Variants in RIPOR3 observed in about 807,000 individuals in gnomAD.
RIPOR3 encodes family with sequence similarity 65 member C.
Under a neutral mutation model 114.3 loss-of-function variants are expected in RIPOR3, and 95 were observed. The ratio of observed to expected loss-of-function variants is 0.83; its 90% CI spans 0.70 to 0.99. The LOEUF is 0.99. Among genes scored for constraint, RIPOR3 ranks in the 50% least tolerant of loss-of-function variants. RIPOR3 has a pLI of 0.00. For missense variants in RIPOR3, 1,252 were observed against 1,266.9 expected (o/e 0.99, Z 0.18); for synonymous variants, 575 against 543.8 (o/e 1.06, Z -0.80).
intron 1 of RIPOR3, among the ~76,000 whole-genome samples, chr20:50,638,210 CAAT>C (rs374143804): frequency 1.1e-4 from 17 of 152,326 alleles, no homozygotes; most frequent in Admixed American, 3.3e-4. Flanking sequence ...GATAGACACA[CAAT>C]GAGTGCCCTG....
At chr20:50,597,781 G>A (rs532757648) in intron 13 of RIPOR3, 71 bp from the exon 14 acceptor site, 2 of 1,557,410 alleles carry the variant, frequency 1.3e-6, no homozygotes, top group East Asian at 2.4e-5. Flanking sequence ...CTGGCCAGGG[G>A]CCTCACGGCA....
intron 1 of RIPOR3, among the ~76,000 whole-genome samples, chr20:50,673,987 A>G (rs1425751548): frequency 6.6e-6 from 1 of 152,242 alleles, no homozygotes; most frequent in Non-Finnish European, 1.5e-5. Flanking sequence ...AAGCTCTGCC[A>G]TGCACAGGAG....
Position 50,589,769 on chromosome 20 carries a change from C to G in RIPOR3, c.2578G>C (p.Ala860Pro). ...AGGGCGTTGGTGTAGAACAGCAAAGCCTGGGGAGAGTAAGGAGGCTGTGAA... is the reference window on the plus strand; with the variant it reads ...AGGGCGTTGGTGTAGAACAGCAAAGGCTGGGGAGAGTAAGGAGGCTGTGAA... ...AVRNRSFREK[A>P]LLFYTNALAE... The change falls in exon 20 of 22, where the codon GCT becomes CCT. Residue 860 changes from alanine to proline, a missense_variant and splice_region_variant. Coordinates refer to ENST00000327979, the MANE Select transcript of RIPOR3 (RefSeq NM_001290268.2). 1.2e-6 allele frequency: 2 copies of G among 1,612,736 alleles called. No homozygotes were observed. The highest frequency in any genetic ancestry group is 1.7e-6 in the Non-Finnish European group (2 of 1,179,368).
At chr20:50,681,243 GA>G (rs869062771) in intron 1 of RIPOR3, among the ~76,000 whole-genome samples, 2 of 108,904 alleles carry the variant, frequency 1.8e-5, no homozygotes, top group Non-Finnish European at 3.6e-5. Flanking sequence ...AAAAAAAAAA[GA>G]AAAGAAAAGA....
Position 50,604,710 on chromosome 20 carries a change from T to C in RIPOR3, c.1021A>G (p.Arg341Gly). ...SPTGKFSMGS[R>G]KGSLYNWTPP... ...GTCCAGTTGTACAAGGAGCCCTTCC[T>C]GCTGCCCATAGAAAACTTGCCCGTG... Residue 341 changes from arginine to glycine, a missense_variant, in exon 12 of 22, where the codon AGG becomes GGG. By Grantham distance (125) the Arg-to-Gly change is moderately radical (BLOSUM62 -2). Coordinates refer to ENST00000327979, the MANE Select transcript of RIPOR3 (RefSeq NM_001290268.2). 6.2e-7 allele frequency: 1 copy of C among 1,610,212 alleles called. No homozygotes were observed. The highest frequency in any genetic ancestry group is 8.5e-7 in the Non-Finnish European group (1 of 1,178,582).
intron 1 of RIPOR3, among the ~76,000 whole-genome samples, chr20:50,642,634 T>A (rs2085246975): frequency 1.4e-5 from 2 of 147,792 alleles, no homozygotes; most frequent in African/African-American, 2.5e-5. Context: ...ATTCCACTGC[T>A]CCTCAGAAAT....
At chr20:50,595,807 C>A (rs1039573946) in intron 15 of RIPOR3, among the ~76,000 whole-genome samples, 4 of 152,174 alleles carry the variant, frequency 2.6e-5, no homozygotes, top group Admixed American at 2.6e-4. Context: ...TGCATCCAGC[C>A]GAGCCTGAAG....
At chr20:50,627,405 G>A (rs1186557154) in intron 2 of RIPOR3, among the ~76,000 whole-genome samples, 1 of 150,650 alleles carries the variant, frequency 6.6e-6, no homozygotes, top group Admixed American at 6.6e-5. Flanking sequence ...AGCTACTCAG[G>A]AGGCTGAGAC....
intron 13 of RIPOR3, among the ~76,000 whole-genome samples, chr20:50,601,813 G>A (rs1460365890): frequency 2.0e-5 from 3 of 152,172 alleles, no homozygotes; most frequent in Admixed American, 1.3e-4. Context: ...CAGAAGGTGC[G>A]AGATGGGGCC....
intron 1 of RIPOR3, among the ~76,000 whole-genome samples, chr20:50,664,984 C>A (rs997655553): frequency 7.9e-5 from 12 of 152,062 alleles, no homozygotes; most frequent in Non-Finnish European, 1.6e-4. Flanking sequence ...TGCCTGTAAT[C>A]CCAGCTACCT....
intron 1 of RIPOR3, among the ~76,000 whole-genome samples, chr20:50,655,327 G>T (rs2085771365): frequency 6.6e-6 from 1 of 152,182 alleles, no homozygotes. Flanking sequence ...AGACGGGGTG[G>T]GAATAGGGTT....
Position 50,595,625 on chromosome 20 carries a change from T to G in RIPOR3, c.1915-121A>C, listed in dbSNP as rs997782212. 12 of 1,374,674 alleles carry G rather than the reference T, an allele frequency of 8.7e-6. No homozygotes were observed. The African/African-American group carries it at 1.4e-4, about 16-fold the overall frequency. 85.2% of individuals were successfully genotyped at this position (1,374,674 alleles called of 1,614,324 possible). A position where few individuals can be genotyped will look rare whatever the true frequency, so the allele number is the denominator to read the frequency against. ...TCTGTCCCGGGGGCAGCTCCCTGAC[T>G]GTCATTTGGGGATTCCCCTTTCACC... On this transcript the variant is annotated intron_variant, in intron 15 of 21. Coordinates refer to ENST00000327979, the MANE Select transcript of RIPOR3 (RefSeq NM_001290268.2).
At chr20:50,638,912 G>GTCA (rs1568907582) in intron 1 of RIPOR3, among the ~76,000 whole-genome samples, 1 of 152,136 alleles carries the variant, frequency 6.6e-6, no homozygotes, top group Non-Finnish European at 1.5e-5. Flanking sequence ...CCTGGTGGTG[G>GTCA]CTATTCCAGG....
intron 1 of RIPOR3, among the ~76,000 whole-genome samples, chr20:50,638,618 CG>C (rs1351639566): frequency 1.3e-5 from 2 of 151,950 alleles, no homozygotes; most frequent in Non-Finnish European, 2.9e-5. Context: ...GGCTGTGTGT[CG>C]GGGCGCCAGG....
intron 1 of RIPOR3, among the ~76,000 whole-genome samples, chr20:50,641,836 G>T (rs904835611): frequency 1.1e-4 from 17 of 152,292 alleles, no homozygotes; most frequent in African/African-American, 2.4e-4. Flanking sequence ...GGAAGTGCCC[G>T]GCAGGACCTC....
chr20:50,630,737 C>T lies in RIPOR3; in HGVS notation c.122+1G>A, dbSNP rs778793897. On this transcript the variant is annotated splice_donor_variant, in intron 2 of 21. Transcript: ENST00000327979. LOFTEE classifies it high-confidence loss of function. Reference sequence around the variant, plus strand: ...CGAAACAGGACACGGGGGGAACTTACGCGATCCTCCGGCTCTGTGCACTGC... The same window carrying T: ...CGAAACAGGACACGGGGGGAACTTATGCGATCCTCCGGCTCTGTGCACTGC... The T allele has an allele frequency of 1.6e-5, 25 of 1,603,828 alleles. No homozygotes were observed. The highest frequency in any genetic ancestry group is 1.1e-4 in the East Asian group (5 of 44,312).
chr20:50,610,702 C>T (rs2083944710), intron 6 of RIPOR3, 151 bp downstream of exon 6: 5 of 1,030,192 alleles, frequency 4.9e-6, no homozygotes. Flanking sequence ...GCCCGAGGCC[C>T]CTGCTCATCC....
At chr20:50,649,477 C>G (rs1188052116) in intron 1 of RIPOR3, among the ~76,000 whole-genome samples, 2 of 152,146 alleles carry the variant, frequency 1.3e-5, no homozygotes, top group Non-Finnish European at 2.9e-5. Flanking sequence ...GGGAAGGATG[C>G]CTGGCACACT....
intron 1 of RIPOR3, among the ~76,000 whole-genome samples, chr20:50,647,189 G>A (rs966747225): frequency 3.3e-5 from 5 of 152,066 alleles, no homozygotes; most frequent in African/African-American, 9.7e-5. Context: ...GCGTGGTGGC[G>A]GACGCCTGTA....
Sources: gnomAD v4.1 joint callset for allele counts (sites outside exome capture counted in the v4.1 genomes callset) on GRCh38, gnomAD v4.1.1 for gene constraint, MANE v1.5 for transcripts, NCBI Gene and HGNC (gene_info 2026-07-23, HGNC 2026-07-21) for gene names.